The following LRRIQ1 variants were observed in gnomAD, a reference collection of about 807,000 sequenced individuals.
LRRIQ1 encodes leucine rich repeats and IQ motif containing 1.
Under a neutral mutation model 211.9 loss-of-function variants are expected in LRRIQ1, and 210 were observed. The ratio of observed to expected loss-of-function variants is 0.99; its 90% confidence interval spans 0.89 to 1.11. The LOEUF is 1.11. Among genes scored for constraint, LRRIQ1 ranks in the 50% most tolerant of loss-of-function variants. LRRIQ1 has a pLI of 0.00. For synonymous variants in LRRIQ1, 699 were observed against 650.1 expected (o/e 1.08, Z -1.14); for missense variants, 2,136 against 1,939.5 (o/e 1.10, Z -1.90).
intron 8 of LRRIQ1, among the ~76,000 whole-genome samples, chr12:85,061,014 T>A (rs1160407180): frequency 6.6e-6 from 1 of 151,860 alleles, no homozygotes; most frequent in Admixed American, 6.6e-5. Context: ...CATTCTCAAG[T>A]CATGAGAGTC....
chr12:85,264,006 T>C (rs1053243070), exon 2 of LRRIQ1: 1 of 152,040 alleles, frequency 6.6e-6, no homozygotes, highest in Non-Finnish European at 1.5e-5. Flanking sequence ...ATTCATAGTA[T>C]TTCAGTTACT....
At chr12:85,090,412 C>G (rs919780276) in intron 11 of LRRIQ1, among the ~76,000 whole-genome samples, 1 of 152,122 alleles carries the variant, frequency 6.6e-6, no homozygotes, top group Non-Finnish European at 1.5e-5. Context: ...CACCTTGCAT[C>G]CAAAAAAGCT....
chr12:85,091,624 T>C (rs1273743530), intron 11 of LRRIQ1, among the ~76,000 whole-genome samples: 8 of 152,154 alleles, frequency 5.3e-5, no homozygotes, highest in Admixed American at 5.2e-4. Flanking sequence ...CCTGGATTTT[T>C]ATAGTTTTAG....
chr12:85,087,611 T>G (rs1884964259), intron 11 of LRRIQ1, among the ~76,000 whole-genome samples: 1 of 152,162 alleles, frequency 6.6e-6, no homozygotes, highest in Non-Finnish European at 1.5e-5. Context: ...ACCTGTTGTT[T>G]CCTGACTTTT....
chr12:85,109,106 A>G (rs1565838818), intron 15 of LRRIQ1, among the ~76,000 whole-genome samples: 1 of 152,168 alleles, frequency 6.6e-6, no homozygotes, highest in Admixed American at 6.6e-5. Flanking sequence ...GAGGAGTATA[A>G]GATATATTAC....
intron 26 of LRRIQ1, among the ~76,000 whole-genome samples, chr12:85,243,358 TAA>T (rs1365103459): frequency 7.3e-6 from 1 of 137,290 alleles, no homozygotes; most frequent in Non-Finnish European, 1.6e-5. Context: ...TATTATACTT[TAA>T]GTTTTAGGGT....
intron 1 of LRRIQ1, among the ~76,000 whole-genome samples, chr12:85,261,797 A>ATTTG (rs1238080180): frequency 0.023 from 2,796 of 123,254 alleles, 78 homozygotes; most frequent in African/African-American, 0.11. Flanking sequence ...TTATTTATTT[A>ATTTG]TTTATTTTTG....
At chr12:85,263,519 C>A (rs1448108978) in exon 2 of LRRIQ1, 1 of 151,616 alleles carries the variant, frequency 6.6e-6, no homozygotes, top group Non-Finnish European at 1.5e-5. Context: ...CATGGAATAA[C>A]TGAAAATAAA....
intron 1 of LRRIQ1, among the ~76,000 whole-genome samples, chr12:85,257,823 A>C (rs1482031389): frequency 6.6e-6 from 1 of 151,906 alleles, no homozygotes; most frequent in Non-Finnish European, 1.5e-5. Context: ...AGAATGACAG[A>C]ATTTAGTGAA....
At chr12:85,179,146 A>T (rs370739729) in intron 24 of LRRIQ1, among the ~76,000 whole-genome samples, 9 of 152,016 alleles carry the variant, frequency 5.9e-5, no homozygotes, top group East Asian at 3.9e-4. Context: ...TTCTAATCAG[A>T]ATCTGTTTGA....
intron 24 of LRRIQ1, among the ~76,000 whole-genome samples, chr12:85,173,036 G>T (rs1399394831): frequency 6.6e-6 from 1 of 152,084 alleles, no homozygotes; most frequent in Non-Finnish European, 1.5e-5. Flanking sequence ...TTGAACCTGG[G>T]AGGCAGAGGT....
intron 26 of LRRIQ1, among the ~76,000 whole-genome samples, chr12:85,240,796 T>A (rs879469020): frequency 6.6e-6 from 1 of 152,058 alleles, no homozygotes; most frequent in Non-Finnish European, 1.5e-5. Context: ...TAATATAAGA[T>A]CCTTAAGCAT....
chr12:85,272,511 T>C, the LRRIQ1 span, among the ~76,000 whole-genome samples: 18 of 152,104 alleles, frequency 1.2e-4, no homozygotes, highest in African/African-American at 4.1e-4. Flanking sequence ...ATACTTAGTT[T>C]ATAGTAATTT....
chr12:85,254,171 T>G (rs1157392052), intron 1 of LRRIQ1, among the ~76,000 whole-genome samples: 1 of 152,080 alleles, frequency 6.6e-6, no homozygotes, highest in Non-Finnish European at 1.5e-5. Context: ...GATTGTGAGC[T>G]TCTGGGGAGG....
intron 24 of LRRIQ1, among the ~76,000 whole-genome samples, chr12:85,175,394 A>G (rs1053286426): frequency 2.5e-4 from 38 of 152,224 alleles, no homozygotes; most frequent in African/African-American, 8.9e-4. Flanking sequence ...ACATTCAAGT[A>G]TATCAGATCA....
At position 85,047,252 on chromosome 12, in the gene LRRIQ1, G is replaced by A; in HGVS notation, c.460G>A (p.Ala154Thr). The A allele has an allele frequency of 6.3e-7, 1 of 1,587,122 alleles. No homozygotes were observed. The highest frequency in any genetic ancestry group is 1.2e-5 in the South Asian group (1 of 85,008). ...ATTTTTCTTCATGAGTGCAGATGAT[G>A]CTGATATAAATTTTGGATACTGTGA... ...PMDEHVLPDD[A>T]DINFGYCEVE... is the part of the protein sequence containing the mutation. The change falls in exon 6 of 27, where the codon GCT becomes ACT. Residue 154 changes from alanine (A) to threonine (T), a missense_variant. By Grantham distance (58) the Ala-to-Thr change is moderately conservative. Coordinates refer to ENST00000393217, the MANE Select transcript of LRRIQ1 (RefSeq NM_001079910.2).
chr12:85,067,053 T>C (rs1031753183), intron 10 of LRRIQ1, among the ~76,000 whole-genome samples, 155 bp downstream of exon 10: 1 of 151,926 alleles, frequency 6.6e-6, no homozygotes, highest in African/African-American at 2.4e-5. Context: ...AAATTACTTT[T>C]AATGTCTATA....
chr12:85,132,229 G>A (rs1164769649), intron 18 of LRRIQ1, among the ~76,000 whole-genome samples: 1 of 151,810 alleles, frequency 6.6e-6, no homozygotes, highest in Non-Finnish European at 1.5e-5. Context: ...ATATCATTAT[G>A]TTGATATTTT....
At chr12:85,246,056 A>G (rs1200055742), downstream of LRRIQ1, among the ~76,000 whole-genome samples, 1 of 151,150 alleles carries the variant, frequency 6.6e-6, no homozygotes, top group African/African-American at 2.4e-5. Flanking sequence ...AATCATTTAT[A>G]TTTATTAATA....
Sources: gnomAD v4.1 joint callset for allele counts (sites outside exome capture counted in the v4.1 genomes callset) on GRCh38, gnomAD v4.1.1 for gene constraint, MANE v1.5 for transcripts, NCBI Gene and HGNC (gene_info 2026-07-23, HGNC 2026-07-21) for gene names.